KPNA6: variants seen among roughly 807,000 people sequenced by gnomAD.
KPNA6 encodes importin subunit alpha-7.
In KPNA6, 9 loss-of-function variants were observed where a neutral mutation model predicts 72.0. The observed-to-expected ratio is 0.13, with a 90% CI of 0.08 to 0.22. The LOEUF (loss-of-function observed/expected upper bound fraction) is 0.22, where lower values mean the gene tolerates loss of function less well. Ranked by LOEUF, KPNA6 falls within the 10% of genes least tolerant of loss-of-function variation. The probability of loss-of-function intolerance (pLI) is 1.00; values close to 1 mark genes in which losing one functional copy is unlikely to be tolerated. For synonymous variants in KPNA6, 219 were observed against 242.1 expected (o/e 0.90, Z 0.89); for missense variants, 374 against 655.7 (o/e 0.57, Z 4.69).
intron 1 of KPNA6, among the ~76,000 whole-genome samples, chr1:32,115,523 C>T (rs544303086): frequency 1.1e-4 from 17 of 151,352 alleles, no homozygotes; most frequent in Admixed American, 2.6e-4. Context: ...AATTCCTGGG[C>T]TCAAGGGATC....
chr1:32,167,929 G>A (rs1221946329), intron 12 of KPNA6, among the ~76,000 whole-genome samples: 2 of 151,956 alleles, frequency 1.3e-5, no homozygotes, highest in Non-Finnish European at 2.9e-5. Flanking sequence ...ACCTTGGGAA[G>A]CTGAAGCAGG....
At position 32,162,972 on chromosome 1, in the gene KPNA6, C is replaced by T. The variant is rs1050401400; in HGVS notation, c.912-263C>T. Among the ~76,000 whole-genome samples the T allele has an allele frequency of 2.6e-5, 4 of 151,116 alleles. No individual in the cohort carries two copies. The East Asian group carries it at 5.8e-4, about 22-fold the overall frequency. On this transcript the variant is annotated intron_variant, in intron 9 of 13. Transcript: ENST00000373625. ...ACAAAAAATTAGCCGGGCGTGGTGGCGGGCACCTGTAGTCCCAGCTACTCG... is the reference window on the plus strand; with the variant it reads ...ACAAAAAATTAGCCGGGCGTGGTGGTGGGCACCTGTAGTCCCAGCTACTCG...
At chr1:32,143,304 A>G (rs373607195) in intron 1 of KPNA6, among the ~76,000 whole-genome samples, 3 of 152,060 alleles carry the variant, frequency 2.0e-5, no homozygotes, top group Non-Finnish European at 4.4e-5. Context: ...GGGCTCAAGC[A>G]GTCTGCCCAC....
At chr1:32,126,128 C>T (rs1641530939) in intron 1 of KPNA6, among the ~76,000 whole-genome samples, 1 of 151,884 alleles carries the variant, frequency 6.6e-6, no homozygotes. Flanking sequence ...TCAAGCAATC[C>T]TCCTGCCTCG....
rs183956913 is a variant in KPNA6 at position 32,159,698 on chromosome 1, T to C, written c.558+167T>C. On this transcript the variant is annotated intron_variant, in intron 6 of 13. Transcript: ENST00000373625. ...TGGGACTTGCAACTGGTATCTCAAG[T>C]TGGGGCAGTCTTGTGGGACTAACCT... is the stretch of plus-strand genomic sequence containing the variant. Among the ~76,000 whole-genome samples, 143 of 152,334 alleles carry C rather than the reference T, an allele frequency of 9.4e-4. 1 individual carries two copies. Among genetic ancestry groups the C allele is most frequent in the African/African-American group, 3.2e-3 (135 of 41,576 alleles).
chr1:32,168,506 T>C (rs758375830), intron 12 of KPNA6, among the ~76,000 whole-genome samples: 26 of 152,344 alleles, frequency 1.7e-4, no homozygotes, highest in Non-Finnish European at 3.1e-4. Context: ...TTATTTTAGT[T>C]TACATTATCT....
intron 1 of KPNA6, among the ~76,000 whole-genome samples, chr1:32,138,431 T>C (rs1641779037): frequency 1.3e-5 from 2 of 150,604 alleles, no homozygotes; most frequent in African/African-American, 4.9e-5. Flanking sequence ...TAATCCCAGC[T>C]ACTTGGGAGG....
intron 1 of KPNA6, among the ~76,000 whole-genome samples, chr1:32,118,381 C>G (rs1641363874): frequency 6.6e-6 from 1 of 151,566 alleles, no homozygotes; most frequent in African/African-American, 2.4e-5. Context: ...CTTTTTCTCC[C>G]AGGCTGGGGT....
rs7536536 is a variant in KPNA6 at position 32,159,274 on chromosome 1, G to C, written c.427-126G>C. 6.2e-4 allele frequency: 581 copies of C among 941,554 alleles called. 3 individuals are homozygous for C. The African/African-American group carries it at 8.3e-3, about 14-fold the overall frequency. The allele number at this position is 941,554 out of a possible 1,614,324, so 58.3% of individuals were successfully genotyped here. ...ATTCGTGGGCAAGAGGCTTGCTTGTGTTTTGTGAGGTTTTGTTTTGGTTTT... is the reference window on the plus strand; with the variant it reads ...ATTCGTGGGCAAGAGGCTTGCTTGTCTTTTGTGAGGTTTTGTTTTGGTTTT... On this transcript the variant is annotated intron_variant, in intron 5 of 13. Transcript: ENST00000373625.
chr1:32,119,017 T>C (rs1446910113), intron 1 of KPNA6, among the ~76,000 whole-genome samples: 1 of 77,460 alleles, frequency 1.3e-5, no homozygotes, highest in African/African-American at 6.8e-5. Flanking sequence ...TATATATATA[T>C]ATATATATAT....
intron 1 of KPNA6, among the ~76,000 whole-genome samples, chr1:32,128,385 A>ATT (rs1293589892): frequency 1.9e-3 from 139 of 74,640 alleles, no homozygotes; most frequent in African/African-American, 7.0e-3. Context: ...TTATATATGT[A>ATT]TTTATATATA....
chr1:32,161,561 G>T (rs1360078819), intron 7 of KPNA6, among the ~76,000 whole-genome samples: 1 of 152,194 alleles, frequency 6.6e-6, no homozygotes, highest in East Asian at 1.9e-4. Context: ...TGTGGCTAAA[G>T]CTCTCACAGT....
At chr1:32,124,777 G>A (rs1055830829) in intron 1 of KPNA6, among the ~76,000 whole-genome samples, 6 of 151,464 alleles carry the variant, frequency 4.0e-5, no homozygotes, top group African/African-American at 1.2e-4. Flanking sequence ...AAAGTGCTAG[G>A]ATTACAAGTG....
chr1:32,156,743 C>T (rs1642150752), intron 2 of KPNA6, 110 bp from the exon 3 acceptor site: 1 of 777,890 alleles, frequency 1.3e-6, no homozygotes, highest in East Asian at 2.6e-5. Flanking sequence ...GGCCTCACTT[C>T]TCAGCTACTC....
intron 1 of KPNA6, among the ~76,000 whole-genome samples, chr1:32,142,447 A>G (rs183559967): frequency 6.6e-6 from 1 of 152,082 alleles, no homozygotes; most frequent in Non-Finnish European, 1.5e-5. Flanking sequence ...TAAGGACTCT[A>G]TCTTCAAATA....
intron 1 of KPNA6, among the ~76,000 whole-genome samples, chr1:32,150,662 C>T (rs970007482): frequency 3.4e-4 from 51 of 151,742 alleles, no homozygotes; most frequent in African/African-American, 1.2e-3. Flanking sequence ...GAGTCTCCCT[C>T]TGTCACCAGG....
At chr1:32,118,766 C>G (rs1641370667) in intron 1 of KPNA6, among the ~76,000 whole-genome samples, 1 of 151,460 alleles carries the variant, frequency 6.6e-6, no homozygotes, top group Non-Finnish European at 1.5e-5. Context: ...TGTACTCTAG[C>G]CTAGGTGACA....
At position 32,162,379 on chromosome 1, in the gene KPNA6, G is replaced by C. The variant is rs1327865800; in HGVS notation, c.766G>C (p.Val256Leu). 2 of 1,605,710 alleles carry C rather than the reference G, an allele frequency of 1.2e-6. No individual in the cohort carries two copies. ...EFAKVSPCLP[V>L]LSRLLFSSDS... ...CCCACAGGTCTCTCCTTGTTTGCCT[G>C]TACTGTCTCGCCTACTCTTCAGCAG... Residue 256 changes from valine (V) to leucine (L), a missense_variant, in exon 9 of 14, where the codon GTA becomes CTA. Coordinates refer to ENST00000373625, the MANE Select transcript of KPNA6 (RefSeq NM_012316.5).
rs1013462922 is a variant in KPNA6 at position 32,174,748 on chromosome 1, G to C, written c.*3854G>C. The C allele has an allele frequency of 3.3e-5, 5 of 152,216 alleles. No individual in the cohort carries two copies. The highest frequency in any genetic ancestry group is 9.6e-5 in the African/African-American group (4 of 41,460). 9.4% of individuals were successfully genotyped at this position (152,216 alleles called of 1,614,324 possible). A position where few individuals can be genotyped will look rare whatever the true frequency, so the allele number is the denominator to read the frequency against. ...GAGAACAGGCTGACTGGGGCATTAG[G>C]AATGTTTGTACCTCTCTGCTTCCCT... On this transcript the variant is annotated 3_prime_UTR_variant, in exon 14 of 14. Coordinates refer to ENST00000373625, the MANE Select transcript of KPNA6 (RefSeq NM_012316.5).
Sources: allele counts gnomAD v4.1 joint callset (sites outside exome capture counted in the v4.1 genomes callset), GRCh38; gene constraint gnomAD v4.1.1; transcripts MANE v1.5; gene names NCBI Gene and HGNC (gene_info 2026-07-23, HGNC 2026-07-21).